NEGR1: variants seen among roughly 807,000 people sequenced by gnomAD.
NEGR1 encodes neuronal growth regulator 1.
Under a neutral mutation model 40.9 loss-of-function variants are expected in NEGR1, and 10 were observed. The ratio of observed to expected loss-of-function variants is 0.24; its 90% CI spans 0.15 to 0.42. NEGR1 has a LOEUF of 0.42. Among genes scored for constraint, NEGR1 ranks in the 10% least tolerant of loss-of-function variants. NEGR1 has a pLI of 1.00. For missense variants in NEGR1, 352 were observed against 438.9 expected (o/e 0.80, Z 1.77); for synonymous variants, 185 against 166.8 (o/e 1.11, Z -0.84).
chr1:71,752,571 T>A (rs1159206813), intron 3 of NEGR1, among the ~76,000 whole-genome samples: 1 of 152,216 alleles, frequency 6.6e-6, no homozygotes, highest in Non-Finnish European at 1.5e-5. Flanking sequence ...CTCTTTTGCA[T>A]GAACCTATCT....
At chr1:71,606,122 C>T (rs970299272) in intron 5 of NEGR1, among the ~76,000 whole-genome samples, 1 of 152,098 alleles carries the variant, frequency 6.6e-6, no homozygotes, top group Non-Finnish European at 1.5e-5. Flanking sequence ...ATAAGGTTTC[C>T]CCATATAGCT....
intron 1 of NEGR1, among the ~76,000 whole-genome samples, chr1:72,260,055 A>G (rs1365320046): frequency 6.6e-6 from 1 of 152,122 alleles, no homozygotes; most frequent in Non-Finnish European, 1.5e-5. Flanking sequence ...CACTGCACTA[A>G]GTGCTTTATA....
At chr1:71,576,487 T>A (rs1570054038) in intron 6 of NEGR1, among the ~76,000 whole-genome samples, 1 of 152,212 alleles carries the variant, frequency 6.6e-6, no homozygotes, top group East Asian at 1.9e-4. Context: ...AGAATCTTGA[T>A]GAAGAAACCA....
In NEGR1 at chr1:71,403,924, A is replaced by T. The variant is rs1646260922; in HGVS notation, c.*3522T>A. 7.9e-6 allele frequency: 3 copies of T among 377,632 alleles called. No homozygotes were observed. Among genetic ancestry groups the T allele is most frequent in the Non-Finnish European group, 1.4e-5 (3 of 211,036 alleles). 23.4% of individuals were successfully genotyped at this position (377,632 alleles called of 1,614,324 possible). On this transcript the variant is annotated 3_prime_UTR_variant, in exon 7 of 7. Transcript: ENST00000357731. Reference sequence around the variant, plus strand: ...ATTCATATCTATTGAAATACTGTACATCCACATACTTCAATAAATAGTTAA... The same window carrying T: ...ATTCATATCTATTGAAATACTGTACTTCCACATACTTCAATAAATAGTTAA...
rs184512438 is a variant in NEGR1 at position 71,611,706 on chromosome 1, T to A, written c.668-560A>T. ...GCCTGGGCTCTTGAAATATTCTGTG[T>A]TTTTTCCTGCCTCCTCCCTATGCTT... On this transcript the variant is annotated intron_variant, in intron 4 of 6. Transcript: ENST00000357731. Among the ~76,000 whole-genome samples, 477 of 152,290 alleles carry A rather than the reference T, an allele frequency of 3.1e-3. 5 individuals carry two copies. Among genetic ancestry groups the A allele is most frequent in the Non-Finnish European group, 3.3e-3 (227 of 68,012 alleles).
chr1:71,832,548 G>T (rs190500722), intron 2 of NEGR1, among the ~76,000 whole-genome samples: 1 of 152,120 alleles, frequency 6.6e-6, no homozygotes, highest in East Asian at 1.9e-4. Context: ...TCCTTGTGAA[G>T]TCTCATCCAG....
At chr1:71,587,179 C>T (rs1036128638) in intron 6 of NEGR1, among the ~76,000 whole-genome samples, 18 of 152,084 alleles carry the variant, frequency 1.2e-4, no homozygotes, top group African/African-American at 4.1e-4. Flanking sequence ...AGAGCCCATA[C>T]AGTTGCTTAC....
At chr1:71,615,553 G>A (rs1207851378) in intron 4 of NEGR1, among the ~76,000 whole-genome samples, 2 of 152,216 alleles carry the variant, frequency 1.3e-5, no homozygotes, top group African/African-American at 4.8e-5. Flanking sequence ...GTGGAAACAT[G>A]TTTAACAGGA....
intron 1 of NEGR1, among the ~76,000 whole-genome samples, chr1:72,260,021 C>T (rs1368863226): frequency 6.6e-6 from 1 of 151,996 alleles, no homozygotes; most frequent in East Asian, 1.9e-4. Context: ...GTAACAAAAA[C>T]TTAATCATTT....
chr1:71,694,381 C>T (rs75696382), intron 4 of NEGR1, among the ~76,000 whole-genome samples: 1 of 151,558 alleles, frequency 6.6e-6, no homozygotes, highest in Non-Finnish European at 1.5e-5. Context: ...GAAAAAGTTA[C>T]GAATAAGGAC....
Position 71,882,870 on chromosome 1 carries a change from A to G in NEGR1, c.409+52209T>C, listed in dbSNP as rs1327141198. On this transcript the variant is annotated intron_variant, in intron 2 of 6. Transcript: ENST00000357731. ...ATGAGTAATTTCCTTTGCCTTCTGA[A>G]GCTCTGCTATTTCATTTGAGAGTCA... Among the ~76,000 whole-genome samples, 4 of 152,082 alleles carry G rather than the reference A, an allele frequency of 2.6e-5. 1 individual carries two copies. Among genetic ancestry groups the G allele is most frequent in the South Asian group, 4.1e-4 (2 of 4,830 alleles).
chr1:71,547,256 A>G (rs565318405), intron 6 of NEGR1, among the ~76,000 whole-genome samples: 1 of 151,924 alleles, frequency 6.6e-6, no homozygotes, highest in African/African-American at 2.4e-5. Flanking sequence ...TCCAAGCAAT[A>G]GTCCCTTCCC....
At chr1:71,933,498 G>T (rs1477442845) in intron 2 of NEGR1, among the ~76,000 whole-genome samples, 1 of 151,918 alleles carries the variant, frequency 6.6e-6, no homozygotes, top group Non-Finnish European at 1.5e-5. Context: ...TTCACATAAT[G>T]AAAATCTTTT....
intron 1 of NEGR1, among the ~76,000 whole-genome samples, chr1:72,033,889 C>A (rs1000827963): frequency 1.3e-5 from 2 of 152,162 alleles, no homozygotes; most frequent in African/African-American, 4.8e-5. Flanking sequence ...CACTCGGACT[C>A]AAACTGTAAA....
intron 6 of NEGR1, among the ~76,000 whole-genome samples, chr1:71,533,836 A>G (rs1178067358): frequency 6.6e-6 from 1 of 151,800 alleles, no homozygotes; most frequent in East Asian, 2.0e-4. Flanking sequence ...AAGGATATTA[A>G]CAATTTTTCA....
intron 4 of NEGR1, among the ~76,000 whole-genome samples, chr1:71,685,510 T>A (rs1031847773): frequency 6.6e-6 from 1 of 152,062 alleles, no homozygotes; most frequent in African/African-American, 2.4e-5. Flanking sequence ...TTAGTAAAGA[T>A]GGGGTTTCAC....
chr1:71,486,611 G>C (rs1227866689), intron 6 of NEGR1: 1 of 151,368 alleles, frequency 6.6e-6, no homozygotes, highest in African/African-American at 2.4e-5. Flanking sequence ...TGCTAGTTTA[G>C]CTTCTACTGT....
intron 1 of NEGR1, among the ~76,000 whole-genome samples, chr1:72,153,640 AGTGTAT>A (rs1489398546): frequency 6.6e-6 from 1 of 151,850 alleles, no homozygotes; most frequent in Non-Finnish European, 1.5e-5. Flanking sequence ...TCTCTATATT[AGTGTAT>A]AAATAGTGAT....
chr1:71,595,704 AG>A (rs1046499511), intron 5 of NEGR1, among the ~76,000 whole-genome samples: 3 of 152,320 alleles, frequency 2.0e-5, no homozygotes, highest in Non-Finnish European at 4.4e-5. Context: ...AGAAGAATCC[AG>A]CACATAAACA....
Sources: gnomAD v4.1 joint callset for allele counts (sites outside exome capture counted in the v4.1 genomes callset) on GRCh38, gnomAD v4.1.1 for gene constraint, MANE v1.5 for transcripts, NCBI Gene and HGNC (gene_info 2026-07-23, HGNC 2026-07-21) for gene names.